Variants in SIN3B observed in about 807,000 individuals in gnomAD.
SIN3B encodes SIN3 transcription regulator family member B.
Under a neutral mutation model 120.2 loss-of-function variants are expected in SIN3B, and 19 were observed. The observed-to-expected ratio is 0.16, with a 90% CI of 0.11 to 0.23. The LOEUF is 0.23. Among genes scored for constraint, SIN3B ranks in the 10% least tolerant of loss-of-function variants. The pLI, the probability that SIN3B is intolerant of heterozygous loss-of-function variation, is 1.00. For synonymous variants in SIN3B, 654 were observed against 653.2 expected (o/e 1.00, Z -0.02); for missense variants, 1,073 against 1,573.0 (o/e 0.68, Z 5.38).
chr19:16,851,622 C>A, intron 6 of SIN3B, 88 bp downstream of exon 6: 1 of 1,465,936 alleles, frequency 6.8e-7, no homozygotes. Flanking sequence ...AACAGAGGCC[C>A]CAGCAGGGGT....
Position 16,865,400 on chromosome 19 carries a change from C to A in SIN3B, c.1384-10C>A. The A allele has an allele frequency of 6.3e-7, 1 of 1,584,664 alleles. No individual in the cohort carries two copies. The highest frequency in any genetic ancestry group is 8.6e-7 in the Non-Finnish European group (1 of 1,156,140). On this transcript the variant is annotated splice_polypyrimidine_tract_variant and intron_variant, in intron 10 of 18. Transcript: ENST00000248054. ...CAGTGGCTGACCCCGTCCTGCCTTC[C>A]TTTCCATAGTTAGACGTTGTCCTGG...
At position 16,871,577 on chromosome 19, in the gene SIN3B, C is replaced by T. The variant is rs1194460239; in HGVS notation, c.2592+179C>T. 12 of 590,316 alleles carry T rather than the reference C, an allele frequency of 2.0e-5. 1 individual carries two copies. Among genetic ancestry groups the T allele is most frequent in the Middle Eastern group, 4.5e-4 (1 of 2,230 alleles). The allele number at this position is 590,316 out of a possible 1,614,324, so 36.6% of individuals were successfully genotyped here. ...CATTTTGAAGTGTACAGTTTGGTAA[C>T]ATTTGGTACATTCACAATATTGTGC... On this transcript the variant is annotated intron_variant, in intron 14 of 18. Transcript: ENST00000248054.
chr19:16,878,162 T>G, intron 17 of SIN3B, 21 bp from the exon 18 acceptor site: 3 of 1,537,924 alleles, frequency 2.0e-6, no homozygotes, highest in Admixed American at 1.9e-5. Flanking sequence ...CAGAGTCCAT[T>G]CCACCTCCTT....
intron 4 of SIN3B, among the ~76,000 whole-genome samples, chr19:16,843,083 T>G (rs1305309362): frequency 6.6e-6 from 1 of 152,172 alleles, no homozygotes; most frequent in Non-Finnish European, 1.5e-5. Context: ...GGAATTTTTT[T>G]TAGCAGCAGA....
chr19:16,859,808 C>T (rs1971662510), intron 8 of SIN3B, among the ~76,000 whole-genome samples: 1 of 152,188 alleles, frequency 6.6e-6, no homozygotes, highest in South Asian at 2.1e-4. Context: ...GCCTGGGTCC[C>T]ACCTGGGAAA....
chr19:16,878,138 A>T, intron 17 of SIN3B, 45 bp from the exon 18 acceptor site: 1 of 1,468,620 alleles, frequency 6.8e-7, no homozygotes, highest in Non-Finnish European at 9.1e-7. Flanking sequence ...TCCTCCTCCC[A>T]CAATGCCGAG....
chr19:16,849,293 A>C (rs937364402), intron 5 of SIN3B, among the ~76,000 whole-genome samples: 5 of 152,236 alleles, frequency 3.3e-5, no homozygotes, highest in African/African-American at 1.2e-4. Context: ...CAGGCTTTGC[A>C]GGCCAGTTGA....
chr19:16,862,298 C>T lies in SIN3B; in HGVS notation c.1059-54C>T, dbSNP rs574184187. On this transcript the variant is annotated intron_variant, in intron 8 of 18. Transcript: ENST00000248054. This position sits in a 1 kb window ranked among gnomAD's most constrained non-coding sequence, Gnocchi z 4.7. Reference sequence around the variant, plus strand: ...TGAAGCCATTCTAAAATCTCCAGATCCCTCTCAGAAGGCCCTGGGGATGAC... The same window carrying T: ...TGAAGCCATTCTAAAATCTCCAGATTCCTCTCAGAAGGCCCTGGGGATGAC... The T allele has an allele frequency of 1.1e-5, 16 of 1,405,450 alleles. No homozygotes were observed. In the South Asian group the frequency reaches 1.9e-4, roughly 17 times the overall value. The allele number at this position is 1,405,450 out of a possible 1,614,324, so 87.1% of individuals were successfully genotyped here.
In SIN3B at chr19:16,870,069, C is replaced by T. The variant is rs2051489234; in HGVS notation, c.2416C>T (p.Gln806Ter). The T allele has an allele frequency of 6.3e-7, 1 of 1,597,702 alleles. No individual in the cohort carries two copies. The highest frequency in any genetic ancestry group is 1.3e-5 in the African/African-American group (1 of 74,576). The change falls in exon 13 of 19, where the codon CAG becomes TAG. Residue 806 changes from glutamine to a stop codon, truncating the protein, a stop_gained. Transcript: ENST00000248054. LOFTEE classifies it high-confidence loss of function. ...SDPAMELRLKQPSEVELEEYY... is the reference protein window; with the variant it reads ...SDPAMELRLK Reference sequence around the variant, plus strand: ...CCCCGCCATGGAGCTGCGGCTGAAGCAGCCCAGTAAGGCTCCAAAGCCTGC... The same window carrying T: ...CCCCGCCATGGAGCTGCGGCTGAAGTAGCCCAGTAAGGCTCCAAAGCCTGC...
chr19:16,840,490 C>G (rs1287801447), intron 3 of SIN3B, among the ~76,000 whole-genome samples: 1 of 152,206 alleles, frequency 6.6e-6, no homozygotes, highest in African/African-American at 2.4e-5. Flanking sequence ...TTGTTTCAGC[C>G]AGTCTGGGGT....
chr19:16,831,059 G>C (rs1007442408), intron 2 of SIN3B, among the ~76,000 whole-genome samples: 2 of 151,900 alleles, frequency 1.3e-5, no homozygotes, highest in Non-Finnish European at 2.9e-5. Flanking sequence ...TATCACATGG[G>C]GGCACTTTTT....
rs1449293709 is a variant in SIN3B at position 16,876,824 on chromosome 19, C to T, written c.2859+246C>T. ...CTGAGCAAGCGGTTGTGTCCCAGGG[C>T]AGGAGGGGAACCAAGCCACCTCTCC... is the stretch of plus-strand genomic sequence containing the variant. On this transcript the variant is annotated intron_variant, in intron 16 of 18. Transcript: ENST00000248054. The surrounding 1 kb of genome is among the most constrained non-coding windows in gnomAD (Gnocchi z 7.1). 20 of 449,978 alleles carry T rather than the reference C, an allele frequency of 4.4e-5. No individual in the cohort carries two copies. The highest frequency in any genetic ancestry group is 7.6e-5 in the Non-Finnish European group (19 of 251,112). 27.9% of individuals were successfully genotyped at this position (449,978 alleles called of 1,614,324 possible).
Position 16,851,469 on chromosome 19 carries a change from AC to A in SIN3B, c.788del (p.Pro263ArgfsTer24). On this transcript the variant is annotated frameshift_variant, in exon 6 of 19. Coordinates refer to ENST00000248054, the MANE Select transcript of SIN3B (RefSeq NM_001297595.2). LOFTEE classifies it high-confidence loss of function. Reference protein sequence around the residue: ...HSVQKNEHDKTPEHSRKRSRP... With the variant: ...HSVQKNEHDKXPEHSRKRSRP... Reference sequence around the variant, plus strand: ...CGTGCAGAAGAACGAGCACGACAAGACCCCGGAGCACAGCAGGAAGCGCTCC... The same window carrying A: ...CGTGCAGAAGAACGAGCACGACAAGACCCGGAGCACAGCAGGAAGCGCTCC... 6.2e-7 allele frequency: 1 copy of A among 1,609,668 alleles called. No individual in the cohort carries two copies. Among genetic ancestry groups the A allele is most frequent in the Non-Finnish European group, 8.5e-7 (1 of 1,178,310 alleles).
chr19:16,877,452 AC>A, intron 16 of SIN3B, 92 bp from the exon 17 acceptor site: 1 of 901,962 alleles, frequency 1.1e-6, no homozygotes, highest in African/African-American at 1.6e-5. Flanking sequence ...GGGGCACAGA[AC>A]CCCTGTGAGC....
chr19:16,871,541 G>C (rs912560552), intron 14 of SIN3B, 143 bp downstream of exon 14: 1 of 736,006 alleles, frequency 1.4e-6, no homozygotes, highest in Non-Finnish European at 2.2e-6. Context: ...TTCGCATAAC[G>C]TAAAATTAAC....
intron 11 of SIN3B, 109 bp downstream of exon 11, chr19:16,865,757 GT>G: frequency 1.3e-6 from 1 of 744,594 alleles, no homozygotes; most frequent in East Asian, 2.8e-5. Flanking sequence ...CATTAGTGCT[GT>G]TTGTCAACAG....
At chr19:16,840,143 A>G (rs1971398713) in intron 3 of SIN3B, among the ~76,000 whole-genome samples, 1 of 152,064 alleles carries the variant, frequency 6.6e-6, no homozygotes, top group African/African-American at 2.4e-5. Flanking sequence ...GAATTGTGTC[A>G]TCCCCCCACC....
chr19:16,839,221 A>C (rs1248552284), intron 3 of SIN3B, among the ~76,000 whole-genome samples: 1 of 149,824 alleles, frequency 6.7e-6, no homozygotes, highest in East Asian at 2.0e-4. Flanking sequence ...GTCCACCTCA[A>C]CCTCCCAAAG....
Position 16,831,500 on chromosome 19 carries a change from T to C in SIN3B, c.234T>C (p.Asp78=). The C allele has an allele frequency of 6.2e-7, 1 of 1,613,006 alleles. No homozygotes were observed. Among genetic ancestry groups the C allele is most frequent in the Non-Finnish European group, 8.5e-7 (1 of 1,179,530 alleles). Residue 78 remains aspartate, a synonymous_variant, in exon 3 of 19, where the codon GAT becomes GAC. Transcript: ENST00000248054. The part of the protein sequence containing the change: ...IMKEFKSQSI[D]TPGVIRRVSQ... Reference sequence around the variant, plus strand: ...CTTCCGTTGTTTCTTCTAGCATCGATACTCCTGGAGTCATCAGACGTGTCT... The same window carrying C: ...CTTCCGTTGTTTCTTCTAGCATCGACACTCCTGGAGTCATCAGACGTGTCT...
Sources: allele counts gnomAD v4.1 joint callset (sites outside exome capture counted in the v4.1 genomes callset), GRCh38; gene constraint gnomAD v4.1.1; non-coding constraint Gnocchi (gnomAD v3.1); transcripts MANE v1.5; gene names NCBI Gene and HGNC (gene_info 2026-07-23, HGNC 2026-07-21).